Variants in TRPM6 observed in about 807,000 individuals in gnomAD.
TRPM6 encodes the protein transient receptor potential cation channel subfamily M member 6, also known as channel kinase 2.
Under a neutral mutation model 247.6 loss-of-function variants are expected in TRPM6, and 111 were observed. That is an observed-to-expected ratio of 0.45 (90% CI 0.38 to 0.52). The LOEUF (loss-of-function observed/expected upper bound fraction) is 0.52, where lower values mean the gene tolerates loss of function less well. Among genes scored for constraint, TRPM6 ranks in the 20% least tolerant of loss-of-function variants. The pLI, the probability that TRPM6 is intolerant of heterozygous loss-of-function variation, is 0.00. For missense variants in TRPM6, 2,126 were observed against 2,421.5 expected, an observed-to-expected ratio of 0.88 and a Z score of 2.56; for synonymous variants, 892 against 853.8, an observed-to-expected ratio of 1.04 and a Z score of -0.78.
At chr9:74,793,508 C>A (rs761653655) in intron 18 of TRPM6, among the ~76,000 whole-genome samples, 5 of 152,126 alleles carry the variant, frequency 3.3e-5, no homozygotes, top group Admixed American at 6.5e-5. Flanking sequence ...CCCGCCACCA[C>A]ACCTGGCTAA....
Position 74,762,161 on chromosome 9 carries a change from T to C in TRPM6, c.4510A>G (p.Thr1504Ala), listed in dbSNP as rs1309470739. 2 of 1,614,080 alleles carry C rather than the reference T, an allele frequency of 1.2e-6. No individual in the cohort carries two copies. Among genetic ancestry groups the C allele is most frequent in the Non-Finnish European group, 1.7e-6 (2 of 1,180,008 alleles). The change falls in exon 26 of 39, where the codon ACA becomes GCA. Residue 1504 changes from threonine to alanine, a missense_variant. Transcript: ENST00000360774. The part of the protein sequence containing the change: ...AQDSSLSDNS[T>A]RSAQSSECSE... Reference sequence around the variant, plus strand: ...CATTCACTACTCTGGGCCGATCTTGTTGAGTTATCAGATAGGGAGCTGTCC... The same window carrying C: ...CATTCACTACTCTGGGCCGATCTTGCTGAGTTATCAGATAGGGAGCTGTCC...
intron 3 of TRPM6, among the ~76,000 whole-genome samples, chr9:74,852,642 CCGCCACGCCTGA>C (rs144540780): frequency 0.054 from 8,222 of 152,234 alleles, 319 homozygotes; most frequent in African/African-American, 0.11. Context: ...CAGGCGCGCG[CCGCCACGCCTGA>C]CTGGTTTTTG....
At chr9:74,746,541 A>G (rs1215353116) in intron 31 of TRPM6, among the ~76,000 whole-genome samples, 1 of 152,204 alleles carries the variant, frequency 6.6e-6, no homozygotes, top group Non-Finnish European at 1.5e-5. Flanking sequence ...ATGGGCCTGG[A>G]AATTTGAATT....
intron 36 of TRPM6, among the ~76,000 whole-genome samples, chr9:74,738,140 C>T (rs1345055152): frequency 1.3e-5 from 2 of 152,094 alleles, no homozygotes; most frequent in African/African-American, 4.8e-5. Context: ...AAATTTGTTA[C>T]AAAAATCATT....
intron 1 of TRPM6, among the ~76,000 whole-genome samples, chr9:74,884,382 G>T (rs1445359654): frequency 1.3e-5 from 2 of 151,946 alleles, no homozygotes; most frequent in African/African-American, 4.8e-5. Flanking sequence ...CCAGCTACTC[G>T]GGAGGCTGAG....
chr9:74,781,429 G>C (rs190352302), intron 23 of TRPM6, among the ~76,000 whole-genome samples: 1 of 151,350 alleles, frequency 6.6e-6, no homozygotes, highest in African/African-American at 2.4e-5. Flanking sequence ...CCATCTACTT[G>C]GGAGGCTGAG....
chr9:74,789,688 G>A (rs991223098), intron 19 of TRPM6, among the ~76,000 whole-genome samples: 5 of 152,102 alleles, frequency 3.3e-5, no homozygotes, highest in Non-Finnish European at 7.3e-5. Context: ...GGCTGGATGC[G>A]GTGGCTCATG....
In TRPM6 at chr9:74,771,718, C is replaced by G. The variant is rs1164109861; in HGVS notation, c.3521G>C (p.Arg1174Pro). 1 of 1,613,880 alleles carries G rather than the reference C, an allele frequency of 6.2e-7. No individual in the cohort carries two copies. Among genetic ancestry groups the G allele is most frequent in the Non-Finnish European group, 8.5e-7 (1 of 1,179,988 alleles). The change falls in exon 25 of 39, where the codon CGA (arginine) becomes CCA (proline). Residue 1174 changes from arginine to proline, a missense_variant. Arg to Pro is a moderately radical substitution (Grantham distance 103). This residue lies in a region of TRPM6 where 717 missense variants were observed against 715.9 expected (regional missense o/e 1.00). Transcript: ENST00000360774. ...DVNCSCEERI[R>P]VTSERVTEMY... ...TATCTTTTACCTTTCTGATGTCACTCGGATTCGTTCCTCACAACTACAATT... is the reference window on the plus strand; with the variant it reads ...TATCTTTTACCTTTCTGATGTCACTGGGATTCGTTCCTCACAACTACAATT...
At chr9:74,756,505 C>A (rs1196378935) in intron 27 of TRPM6, among the ~76,000 whole-genome samples, 1 of 151,766 alleles carries the variant, frequency 6.6e-6, no homozygotes, top group Non-Finnish European at 1.5e-5. Context: ...TAGGAAAGAG[C>A]TAAAACAGTG....
At chr9:74,800,209 A>G (rs1310327224) in intron 17 of TRPM6, 45 bp downstream of exon 17, 2 of 1,550,922 alleles carry the variant, frequency 1.3e-6, no homozygotes, top group Admixed American at 1.7e-5. Flanking sequence ...AGAATTTTAT[A>G]CAAGACTAAC....
chr9:74,763,790 T>C (rs1039443383), intron 25 of TRPM6, among the ~76,000 whole-genome samples: 1 of 152,222 alleles, frequency 6.6e-6, no homozygotes, highest in Non-Finnish European at 1.5e-5. Flanking sequence ...CAGTCATTGA[T>C]TCATGTAAAA....
intron 14 of TRPM6, among the ~76,000 whole-genome samples, chr9:74,805,907 A>C (rs115196495): frequency 2.0e-3 from 309 of 152,370 alleles, no homozygotes; most frequent in African/African-American, 7.2e-3. Flanking sequence ...GAACTGCTTA[A>C]ATTGAAACCC....
chr9:74,884,085 G>A (rs1425599478), intron 1 of TRPM6, among the ~76,000 whole-genome samples: 3 of 152,024 alleles, frequency 2.0e-5, no homozygotes, highest in Non-Finnish European at 4.4e-5. Context: ...GGACGCAGAG[G>A]TTGTGGTGAG....
chr9:74,830,196 C>T (rs1829493917), intron 6 of TRPM6, among the ~76,000 whole-genome samples: 1 of 151,444 alleles, frequency 6.6e-6, no homozygotes, highest in Admixed American at 6.6e-5. Context: ...TGAAAATGTA[C>T]AAAAACCAGA....
chr9:74,745,458 T>TGC (rs1254451178), intron 31 of TRPM6, among the ~76,000 whole-genome samples: 1 of 150,386 alleles, frequency 6.6e-6, no homozygotes, highest in African/African-American at 2.5e-5. Flanking sequence ...TGTGTGTGTG[T>TGC]GTGCGTGTGT....
At position 74,782,699 on chromosome 9, in the gene TRPM6, A is replaced by G; in HGVS notation, c.3074T>C (p.Val1025Ala). 1 of 1,614,148 alleles carries G rather than the reference A, an allele frequency of 6.2e-7. No homozygotes were observed. Among genetic ancestry groups the G allele is most frequent in the Non-Finnish European group, 8.5e-7 (1 of 1,180,022 alleles). Reference protein sequence around the residue: ...FEPYWMIYGEVYAGEIDVCSS... With the variant: ...FEPYWMIYGEAYAGEIDVCSS... ...CACACCATCTATTTCTCCAGCATAG[A>G]CTTCTCCGTATATCATCCAGTATGG... is the stretch of plus-strand genomic sequence containing the variant. Residue 1025 changes from valine (V) to alanine (A), a missense_variant, in exon 22 of 39, where the codon GTC (valine) becomes GCC (alanine). Physicochemically the swap from Val to Ala is moderately conservative, Grantham distance 64. Around this residue, in one of 3 missense-constraint regions of TRPM6, gnomAD observed 1,082 missense variants for 1,307.9 expected, o/e 0.83. Transcript: ENST00000360774.
chr9:74,805,739 G>A (rs566085055), intron 14 of TRPM6, among the ~76,000 whole-genome samples: 2 of 152,288 alleles, frequency 1.3e-5, no homozygotes, highest in South Asian at 2.1e-4. Flanking sequence ...TGGGGATGAG[G>A]AGGAGGTGAG....
chr9:74,744,117 T>C lies in TRPM6; in HGVS notation c.5112A>G (p.Gln1704=), dbSNP rs976983631. 6.2e-7 allele frequency: 1 copy of C among 1,614,098 alleles called. No individual in the cohort carries two copies. The highest frequency in any genetic ancestry group is 1.7e-5 in the Admixed American group (1 of 60,018). ...DKISASLKSP[Q]EPHHHYSAIE... Reference sequence around the variant, plus strand: ...TACCTGAATAATGATGGTGAGGCTCTTGAGGGCTTTTTAAGGAGGCTGAGA... The same window carrying C: ...TACCTGAATAATGATGGTGAGGCTCCTGAGGGCTTTTTAAGGAGGCTGAGA... Residue 1704 remains glutamine (Q), a synonymous_variant, in exon 32 of 39, where the codon CAA becomes CAG. Coordinates refer to ENST00000360774, the MANE Select transcript of TRPM6 (RefSeq NM_017662.5).
chr9:74,833,832 A>G (rs1829623408), intron 6 of TRPM6, among the ~76,000 whole-genome samples, 166 bp downstream of exon 6: 1 of 152,192 alleles, frequency 6.6e-6, no homozygotes, highest in Non-Finnish European at 1.5e-5. Context: ...CAAGGGTGGG[A>G]CTGTCATCTT....
Sources: allele counts gnomAD v4.1 joint callset (sites outside exome capture counted in the v4.1 genomes callset), GRCh38; gene constraint gnomAD v4.1.1; regional missense constraint gnomAD v4.1.1; transcripts MANE v1.5; gene names NCBI Gene and HGNC (gene_info 2026-07-23, HGNC 2026-07-21).